CYP4F8: variants seen among roughly 807,000 people sequenced by gnomAD.
CYP4F8 encodes cytochrome P450 4F8.
A neutral mutation model predicts 55.0 loss-of-function variants in CYP4F8; 56 were observed. The ratio of observed to expected loss-of-function variants is 1.02; its 90% confidence interval spans 0.82 to 1.27. The LOEUF is 1.27. Ranked by LOEUF, CYP4F8 falls within the 50% of genes most tolerant of loss-of-function variation. CYP4F8 has a pLI of 0.00. For synonymous variants in CYP4F8, 288 were observed against 267.3 expected, an observed-to-expected ratio of 1.08 and a Z score of -0.76; for missense variants, 680 against 682.4, an observed-to-expected ratio of 1.00 and a Z score of 0.04.
intron 2 of CYP4F8, 76 bp from the exon 3 acceptor site, chr19:15,617,924 G>A (rs1972143531): frequency 6.5e-7 from 1 of 1,531,668 alleles, no homozygotes; most frequent in Admixed American, 2.0e-5. Flanking sequence ...CAGAAATAAT[G>A]TTTGACTGGA....
At chr19:15,623,553 C>A (rs767337895) in intron 7 of CYP4F8, 146 bp from the exon 8 acceptor site, 1 of 998,898 alleles carries the variant, frequency 1.0e-6, no homozygotes, top group Non-Finnish European at 1.4e-6. Flanking sequence ...CTGGGAAGAA[C>A]AAACAGGAGG....
chr19:15,628,650 G>T (rs917725439), intron 11 of CYP4F8, 55 bp downstream of exon 11: 1 of 1,608,038 alleles, frequency 6.2e-7, no homozygotes, highest in South Asian at 1.1e-5. Context: ...GAGGGGTCTT[G>T]TCCCGGAAAA....
At chr19:15,626,695 T>C (rs1277996293) in intron 9 of CYP4F8, among the ~76,000 whole-genome samples, 1 of 152,188 alleles carries the variant, frequency 6.6e-6, no homozygotes, top group Non-Finnish European at 1.5e-5. Flanking sequence ...GTTAATTGGG[T>C]CCACTGTATC....
rs372453678 is a variant in CYP4F8 at position 15,619,679 on chromosome 19, C to T, written c.442C>T (p.Arg148Cys). 7.6e-5 allele frequency: 122 copies of T among 1,614,096 alleles called. No homozygotes were observed. The highest frequency in any genetic ancestry group is 1.1e-4 in the South Asian group (10 of 91,086). ...TGTTGGTGACAAGTGGAGACACCAC[C>T]GTCGCTTGCTGACGCCTGCCTTCCA... ...LSVGDKWRHH[R>C]RLLTPAFHFN... The change falls in exon 5 of 13, where the codon CGT becomes TGT. Residue 148 changes from arginine (R) to cysteine (C), a missense_variant. By Grantham distance (180) the Arg-to-Cys change is radical. Coordinates refer to ENST00000612078, the MANE Select transcript of CYP4F8 (RefSeq NM_007253.4).
At chr19:15,615,974 C>T (rs1037407271) in intron 2 of CYP4F8, among the ~76,000 whole-genome samples, 160 bp downstream of exon 2, 1 of 151,796 alleles carries the variant, frequency 6.6e-6, no homozygotes, top group Non-Finnish European at 1.5e-5. Context: ...CTCACTCACT[C>T]ATTCCTCTCC....
rs1972108341 is a variant in CYP4F8, at chr19:15,615,787, G to T, written c.171G>T (p.Gln57His). Residue 57 changes from glutamine (Q) to histidine (H), a missense_variant, in exon 2 of 13, where the codon CAG becomes CAT. By Grantham distance (24) the Gln-to-His change is conservative. Coordinates refer to ENST00000612078, the MANE Select transcript of CYP4F8 (RefSeq NM_007253.4). ...GGTGTTTCCCGCAGCCCCGGAAACA[G>T]AACTGGTTCTTGGGTCACCTGGGCC... ...RLRCFPQPRK[Q>H]NWFLGHLGLV... 1 of 1,613,506 alleles carries T rather than the reference G, an allele frequency of 6.2e-7. No homozygotes were observed. The highest frequency in any genetic ancestry group is 8.5e-7 in the Non-Finnish European group (1 of 1,179,656).
rs549705515 is a variant in CYP4F8, at chr19:15,618,011, A to T, written c.210A>T (p.Thr70=). The change falls in exon 3 of 13, where the codon ACA becomes ACT. Residue 70 remains threonine, a synonymous_variant. Transcript: ENST00000612078. ...TGCCTTGCTTGCAGGTCACTCCCAC[A>T]GAGGAGGGCTTGAGGGTCCTGACCC... The part of the protein sequence containing the change: ...FLGHLGLVTP[T]EEGLRVLTQL... The T allele has an allele frequency of 8.7e-6, 14 of 1,613,954 alleles. No individual in the cohort carries two copies. The East Asian group carries it at 2.9e-4, about 33-fold the overall frequency.
rs565924649 is a variant in CYP4F8 at position 15,629,590 on chromosome 19, T to A, written c.*232T>A. 2.7e-4 allele frequency: 136 copies of A among 508,750 alleles called. No homozygotes were observed. In the South Asian group the frequency reaches 5.1e-3, roughly 19 times the overall value. The allele number at this position is 508,750 out of a possible 1,614,324, so 31.5% of individuals were successfully genotyped here. The stretch of plus-strand genomic sequence containing the variant: ...CTGGGTGAGCACAGGAGCCCCGTGC[T>A]GAGGGTGGGATCTCCCAGAGTCTAA... On this transcript the variant is annotated 3_prime_UTR_variant, in exon 13 of 13. Transcript: ENST00000612078.
intron 5 of CYP4F8, 176 bp from the exon 6 acceptor site, chr19:15,622,043 A>G: frequency 2.6e-6 from 2 of 776,896 alleles, no homozygotes; most frequent in Non-Finnish European, 3.9e-6. Context: ...TGGGATCTTC[A>G]TCTCCTAATA....
intron 2 of CYP4F8, among the ~76,000 whole-genome samples, chr19:15,616,179 C>T (rs1338467085): frequency 2.0e-5 from 3 of 149,010 alleles, no homozygotes; most frequent in Non-Finnish European, 3.0e-5. Context: ...TTCCCACTCA[C>T]TCATTCCTCT....
At position 15,619,556 on chromosome 19, in the gene CYP4F8, A is replaced by T. The variant is rs1568382369; in HGVS notation, c.397+13A>T. On this transcript the variant is annotated intron_variant, in intron 4 of 12. Transcript: ENST00000612078. ...AAGCCCTGGCTGGGTAAGTAACTGT[A>T]GGTGGACGGGACGGGGACCAACTTT... 1 of 1,614,194 alleles carries T rather than the reference A, an allele frequency of 6.2e-7. No individual in the cohort carries two copies. The highest frequency in any genetic ancestry group is 2.2e-5 in the East Asian group (1 of 44,890).
rs545376431 is a variant in CYP4F8 at position 15,628,052 on chromosome 19, C to A, written c.1116-250C>A. On this transcript the variant is annotated intron_variant, in intron 9 of 12. Coordinates refer to ENST00000612078, the MANE Select transcript of CYP4F8 (RefSeq NM_007253.4). ...GGGATTACAGGAGTGAGCCACTGCA[C>A]CCCGCCGGAATGAATACTTTTAAGA... The A allele has an allele frequency of 4.9e-5, 26 of 528,866 alleles. No individual in the cohort carries two copies. In the East Asian group the frequency reaches 8.8e-4, roughly 18 times the overall value. The allele number at this position is 528,866 out of a possible 1,614,324, so 32.8% of individuals were successfully genotyped here. A position where few individuals can be genotyped will look rare whatever the true frequency, so the allele number is the denominator to read the frequency against.
chr19:15,629,628 T>TC lies in CYP4F8; in HGVS notation c.*277dup, dbSNP rs954666879. 3 of 392,670 alleles carry TC rather than the reference T, an allele frequency of 7.6e-6. No homozygotes were observed. Among genetic ancestry groups the TC allele is most frequent in the South Asian group, 7.3e-5 (1 of 13,648 alleles). 24.3% of individuals were successfully genotyped at this position (392,670 alleles called of 1,614,324 possible). ...TCCCAGAGTCTAAGTAAAGACTTTT[T>TC]CCCCCCCAAAATAATTGTGTATTCT... On this transcript the variant is annotated 3_prime_UTR_variant, in exon 13 of 13. Transcript: ENST00000612078.
intron 12 of CYP4F8, among the ~76,000 whole-genome samples, 152 bp from the exon 13 acceptor site, chr19:15,629,041 A>G (rs1972300958): frequency 6.6e-6 from 1 of 152,058 alleles, no homozygotes; most frequent in South Asian, 2.1e-4. Context: ...CTCTGGGAAT[A>G]TGCAAGCCCA....
chr19:15,626,611 AT>A (rs201145566), intron 9 of CYP4F8, among the ~76,000 whole-genome samples: 4 of 136,528 alleles, frequency 2.9e-5, no homozygotes, highest in Non-Finnish European at 6.6e-5. Flanking sequence ...CTGGATATCT[AT>A]CTATCTATCT....
In CYP4F8 at chr19:15,630,597, C is replaced by T. The variant is rs749437339; in HGVS notation, c.*1239C>T. On this transcript the variant is annotated 3_prime_UTR_variant, in exon 13 of 13. Transcript: ENST00000612078. ...GGCACCTGTGTTGATTCAGCATCTT[C>T]GCTATTGTGATTAGAGCTGCGATAA... The T allele has an allele frequency of 2.6e-5, 4 of 152,050 alleles. No homozygotes were observed. The highest frequency in any genetic ancestry group is 4.8e-5 in the African/African-American group (2 of 41,370). The allele number at this position is 152,050 out of a possible 1,614,324, so 9.4% of individuals were successfully genotyped here. A position where few individuals can be genotyped will look rare whatever the true frequency, so the allele number is the denominator to read the frequency against.
Position 15,622,258 on chromosome 19 carries a change from C to T in CYP4F8, c.565C>T (p.Leu189=). Residue 189 remains leucine (L), a synonymous_variant, in exon 6 of 13, where the codon CTG becomes TTG. Transcript: ENST00000612078. ...CCTGGCCATGGAGGGCAGCACCTGT[C>T]TGGATGTGTTTGAGCACATCAGCCT... ...QRLAMEGSTC[L]DVFEHISLMT... 1.2e-6 allele frequency: 2 copies of T among 1,613,822 alleles called. No homozygotes were observed.
chr19:15,629,363 T>C lies in CYP4F8; in HGVS notation c.*5T>C. On this transcript the variant is annotated 3_prime_UTR_variant, in exon 13 of 13. Transcript: ENST00000612078. ...CGAGTAGAACCCCTGGGCTGAGGCC[T>C]GCAGTGACCCACCCACCTACCTTTG... is the stretch of plus-strand genomic sequence containing the variant. 1 of 1,597,940 alleles carries C rather than the reference T, an allele frequency of 6.3e-7. No homozygotes were observed. Among genetic ancestry groups the C allele is most frequent in the Non-Finnish European group, 8.5e-7 (1 of 1,171,926 alleles).
In CYP4F8 at chr19:15,619,586, G is replaced by T. The variant is rs374926162; in HGVS notation, c.397+43G>T. 1.4e-5 allele frequency: 22 copies of T among 1,613,422 alleles called. No individual in the cohort carries two copies. In the African/African-American group the frequency reaches 2.3e-4, roughly 17 times the overall value. ...GACGGGACGGGGACCAACTTTTGTG[G>T]CCAGGGGAAGATTCTGCCCTTGCCC... On this transcript the variant is annotated intron_variant, in intron 4 of 12. Transcript: ENST00000612078.
Sources: gnomAD v4.1 joint callset for allele counts (sites outside exome capture counted in the v4.1 genomes callset) on GRCh38, gnomAD v4.1.1 for gene constraint, MANE v1.5 for transcripts, NCBI Gene and HGNC (gene_info 2026-07-23, HGNC 2026-07-21) for gene names.